Variants in SFT2D1 observed in about 807,000 individuals in gnomAD.
SFT2D1 encodes the protein vesicle transport protein SFT2A.
A neutral mutation model predicts 28.1 loss-of-function variants in SFT2D1; 24 were observed. The observed-to-expected ratio is 0.85, with a 90% confidence interval of 0.62 to 1.20. The LOEUF (loss-of-function observed/expected upper bound fraction) is 1.20. SFT2D1 is among the 50% of genes most tolerant of loss of function. The pLI is 0.00. For synonymous variants in SFT2D1, 82 were observed against 73.7 expected, an observed-to-expected ratio of 1.11 and a Z score of -0.58; for missense variants, 181 against 190.9, an observed-to-expected ratio of 0.95 and a Z score of 0.31.
At chr6:166,329,925 C>T (rs999369151) in intron 2 of SFT2D1, among the ~76,000 whole-genome samples, 4 of 152,290 alleles carry the variant, frequency 2.6e-5, no homozygotes, top group Non-Finnish European at 5.9e-5. Context: ...CTCTCCAGAT[C>T]TTTTAACACA....
intron 4 of SFT2D1, among the ~76,000 whole-genome samples, chr6:166,327,802 T>TA (rs376609129): frequency 2.6e-4 from 36 of 139,544 alleles, no homozygotes; most frequent in African/African-American, 1.2e-3. Context: ...ATAGGATATA[T>TA]TTTTTTTTTG....
Position 166,328,275 on chromosome 6 carries a change from C to T in SFT2D1, c.315+1G>A, listed in dbSNP as rs780396301. 6 of 1,570,500 alleles carry T rather than the reference C, an allele frequency of 3.8e-6. No homozygotes were observed. The highest frequency in any genetic ancestry group is 1.9e-5 in the Admixed American group (1 of 53,278). ...GTTTTAAAAATGTATTATTTACTTA[C>T]AAGCATAACAATTGTTGCAAGCAAT... On this transcript the variant is annotated splice_donor_variant, in intron 4 of 7. Transcript: ENST00000361731. LOFTEE classifies it high-confidence loss of function.
chr6:166,335,922 A>C (rs528998795), intron 1 of SFT2D1, among the ~76,000 whole-genome samples: 1 of 151,842 alleles, frequency 6.6e-6, no homozygotes, highest in East Asian at 1.9e-4. Context: ...TGAGCAAAAA[A>C]CTCCAGGACT....
chr6:166,341,425 G>C (rs1261622040), intron 1 of SFT2D1, among the ~76,000 whole-genome samples: 1 of 146,264 alleles, frequency 6.8e-6, no homozygotes, highest in Non-Finnish European at 1.5e-5. Flanking sequence ...CTCCAGGCCT[G>C]AGCGACAAAG....
intron 1 of SFT2D1, among the ~76,000 whole-genome samples, chr6:166,340,269 C>A (rs1210198118): frequency 6.6e-6 from 1 of 152,258 alleles, no homozygotes; most frequent in East Asian, 1.9e-4. Context: ...GGGCTTCTAA[C>A]ATTGCCTCTA....
rs80172274 is a variant in SFT2D1 at position 166,320,172 on chromosome 6, T to C, written c.*45A>G. ...GGGGAAAAGCAAACTTCACCAAACA[T>C]AGAGTACCAACATTCAAGTGCTCTT... On this transcript the variant is annotated 3_prime_UTR_variant, in exon 8 of 8. Transcript: ENST00000361731. 7 of 1,589,214 alleles carry C rather than the reference T, an allele frequency of 4.4e-6. No homozygotes were observed. Among genetic ancestry groups the C allele is most frequent in the Admixed American group, 3.4e-5 (2 of 58,802 alleles).
intron 1 of SFT2D1, among the ~76,000 whole-genome samples, chr6:166,334,023 A>T (rs2114907382): frequency 1.3e-5 from 2 of 152,310 alleles, no homozygotes; most frequent in East Asian, 3.9e-4. Flanking sequence ...TTACCTGCTC[A>T]GGGAATTGAT....
chr6:166,331,617 G>A (rs560172062), intron 1 of SFT2D1, among the ~76,000 whole-genome samples: 3 of 152,216 alleles, frequency 2.0e-5, no homozygotes, highest in African/African-American at 7.2e-5. Context: ...TTACTGATCA[G>A]GAAGAATATA....
At chr6:166,321,317 C>A (rs1357000800) in intron 7 of SFT2D1, among the ~76,000 whole-genome samples, 1 of 152,142 alleles carries the variant, frequency 6.6e-6, no homozygotes, top group Non-Finnish European at 1.5e-5. Flanking sequence ...CTGTACATTG[C>A]TTATTGCTCT....
chr6:166,324,232 CT>C (rs1366734581), intron 6 of SFT2D1: 8 of 267,068 alleles, frequency 3.0e-5, no homozygotes, highest in African/African-American at 1.8e-4. Context: ...TTTGGTCTCA[CT>C]TTTATGTACT....
At chr6:166,321,705 A>C (rs1405868085) in intron 7 of SFT2D1, among the ~76,000 whole-genome samples, 1 of 152,194 alleles carries the variant, frequency 6.6e-6, no homozygotes, top group East Asian at 1.9e-4. Context: ...GCTGTGCCTC[A>C]CCAGAATCTT....
At chr6:166,329,737 G>GA (rs1778515832) in intron 2 of SFT2D1, 148 bp from the exon 3 acceptor site, 2 of 619,304 alleles carry the variant, frequency 3.2e-6, no homozygotes, top group Non-Finnish European at 5.3e-6. Context: ...TGATTACACA[G>GA]AAAAAATAGT....
chr6:166,332,632 CTT>C (rs940062853), intron 1 of SFT2D1, among the ~76,000 whole-genome samples: 1 of 152,178 alleles, frequency 6.6e-6, no homozygotes, highest in Non-Finnish European at 1.5e-5. Flanking sequence ...AAACCAGCAA[CTT>C]TGTTAATCTC....
At position 166,342,424 on chromosome 6, in the gene SFT2D1, C is replaced by G; in HGVS notation, c.58G>C (p.Ala20Pro). 6.4e-7 allele frequency: 1 copy of G among 1,557,792 alleles called. No homozygotes were observed. The highest frequency in any genetic ancestry group is 8.7e-7 in the Non-Finnish European group (1 of 1,151,530). Residue 20 changes from alanine (A) to proline (P), a missense_variant, in exon 1 of 8, where the codon GCG (alanine) becomes CCG (proline). By Grantham distance (27) the Ala-to-Pro change is conservative. Transcript: ENST00000361731. ...CGAGGGCGCAAGTTCGCTACCTGCG[C>G]AGTCAGGCCCTGCTCCTCGTCGTCC... ...GQDDEEQGLT[A>P]QVLDASSLSF...
At chr6:166,330,516 T>C (rs149164305) in intron 1 of SFT2D1, among the ~76,000 whole-genome samples, 23 of 152,266 alleles carry the variant, frequency 1.5e-4, no homozygotes, top group African/African-American at 5.3e-4. Context: ...ACAGCCGATA[T>C]ACACTGATAT....
intron 7 of SFT2D1, among the ~76,000 whole-genome samples, chr6:166,320,524 A>C (rs535066569): frequency 6.6e-6 from 1 of 152,130 alleles, no homozygotes; most frequent in African/African-American, 2.4e-5. Flanking sequence ...TTAAATACCA[A>C]AAATAACCTA....
chr6:166,321,175 A>G (rs1778348311), intron 7 of SFT2D1, among the ~76,000 whole-genome samples: 1 of 152,242 alleles, frequency 6.6e-6, no homozygotes, highest in South Asian at 2.1e-4. Flanking sequence ...AATCCTCAGA[A>G]TTAAAAGAAG....
chr6:166,332,444 C>T (rs995720298), intron 1 of SFT2D1, among the ~76,000 whole-genome samples: 4 of 152,108 alleles, frequency 2.6e-5, no homozygotes, highest in Admixed American at 2.0e-4. Context: ...TTAGTAGAAA[C>T]GGGGTTTCAC....
At chr6:166,336,488 C>A (rs898222895) in intron 1 of SFT2D1, among the ~76,000 whole-genome samples, 3 of 152,144 alleles carry the variant, frequency 2.0e-5, no homozygotes, top group African/African-American at 7.2e-5. Context: ...ACACTGTAGA[C>A]TGGGTAGCTT....
Sources: gnomAD v4.1 joint callset for allele counts (sites outside exome capture counted in the v4.1 genomes callset) on GRCh38, gnomAD v4.1.1 for gene constraint, MANE v1.5 for transcripts, NCBI Gene and HGNC (gene_info 2026-07-23, HGNC 2026-07-21) for gene names.